Variants in FGFR1 observed in about 807,000 individuals in gnomAD.
The protein encoded by FGFR1 is FGFR1/PLAG1 fusion.
In FGFR1, 18 loss-of-function variants were observed where a neutral mutation model predicts 93.7. That is an observed-to-expected ratio of 0.19 (90% CI 0.13 to 0.28). The LOEUF (loss-of-function observed/expected upper bound fraction) is 0.28. Ranked by LOEUF, FGFR1 falls within the 10% of genes least tolerant of loss-of-function variation. The pLI, the probability that FGFR1 is intolerant of heterozygous loss-of-function variation, is 1.00. For synonymous variants in FGFR1, 448 were observed against 429.3 expected, an observed-to-expected ratio of 1.04 and a Z score of -0.54; for missense variants, 731 against 1,080.4, an observed-to-expected ratio of 0.68 and a Z score of 4.53.
rs751829022 is a variant in FGFR1 at position 38,429,282 on chromosome 8, C to G, written c.358+400G>C. 1.9e-6 allele frequency: 1 copy of G among 522,488 alleles called. No homozygotes were observed. The highest frequency in any genetic ancestry group is 3.8e-6 in the Non-Finnish European group (1 of 265,440). 32.4% of individuals were successfully genotyped at this position (522,488 alleles called of 1,614,324 possible). A position where few individuals can be genotyped will look rare whatever the true frequency, so the allele number is the denominator to read the frequency against. Reference sequence around the variant, plus strand: ...CTCCAGCAGAGCAGGGATACCACCACCTGTTCAGGGCCTCTAATCACTAAG... The same window carrying G: ...CTCCAGCAGAGCAGGGATACCACCAGCTGTTCAGGGCCTCTAATCACTAAG... On this transcript the variant is annotated intron_variant, in intron 3 of 17. Coordinates refer to ENST00000447712, the MANE Select transcript of FGFR1 (RefSeq NM_023110.3). This position sits in a 1 kb window ranked among gnomAD's most constrained non-coding sequence, Gnocchi z 4.4.
chr8:38,418,032 G>A (rs2150661291), intron 10 of FGFR1, 41 bp from the exon 11 acceptor site: 1 of 1,613,830 alleles, frequency 6.2e-7, no homozygotes, highest in Non-Finnish European at 8.5e-7. Context: ...TGGGGCTGGT[G>A]AAGTTCAAAC....
chr8:38,458,633 A>G (rs1833559893), intron 1 of FGFR1, among the ~76,000 whole-genome samples: 1 of 152,230 alleles, frequency 6.6e-6, no homozygotes. Context: ...AGAATCACGG[A>G]ACAAGCTAAG....
At chr8:38,461,496 A>G (rs1046675565) in intron 1 of FGFR1, among the ~76,000 whole-genome samples, 4 of 152,166 alleles carry the variant, frequency 2.6e-5, no homozygotes, top group Non-Finnish European at 5.9e-5. Flanking sequence ...TTTAATAAAA[A>G]TGGGGTCTCA....
chr8:38,452,804 G>A (rs1285832691), intron 2 of FGFR1, among the ~76,000 whole-genome samples: 1 of 152,016 alleles, frequency 6.6e-6, no homozygotes, highest in Admixed American at 6.6e-5. Flanking sequence ...GTGAAACCCC[G>A]TCTCTACTAA....
intron 1 of FGFR1, chr8:38,466,145 C>A (rs1242762291): frequency 4.3e-6 from 1 of 232,070 alleles, no homozygotes; most frequent in Non-Finnish European, 8.5e-6. Flanking sequence ...GGTAAAACAC[C>A]CCACTTTAGT....
At chr8:38,455,915 A>G (rs977392210) in intron 2 of FGFR1, among the ~76,000 whole-genome samples, 1 of 151,654 alleles carries the variant, frequency 6.6e-6, no homozygotes, top group Admixed American at 6.6e-5. Context: ...CCTGACCATA[A>G]ACTCCCTGTG....
In FGFR1 at chr8:38,429,515, A is replaced by G. The variant is rs1822070870; in HGVS notation, c.358+167T>C. On this transcript the variant is annotated intron_variant, in intron 3 of 17. Transcript: ENST00000447712. This position sits in a 1 kb window ranked among gnomAD's most constrained non-coding sequence, Gnocchi z 4.4. Reference sequence around the variant, plus strand: ...CACCCCACCTAGTCACCTCTCTGAGAGCCAAGCCACGCGGCAGGCAGGGAG... The same window carrying G: ...CACCCCACCTAGTCACCTCTCTGAGGGCCAAGCCACGCGGCAGGCAGGGAG... 1.2e-6 allele frequency: 1 copy of G among 838,422 alleles called. No homozygotes were observed. The highest frequency in any genetic ancestry group is 1.9e-6 in the Non-Finnish European group (1 of 519,064). The allele number at this position is 838,422 out of a possible 1,614,324, so 51.9% of individuals were successfully genotyped here.
chr8:38,440,332 T>G (rs1586549664), intron 2 of FGFR1: 1 of 1,603,756 alleles, frequency 6.2e-7, no homozygotes, highest in Non-Finnish European at 8.5e-7. Flanking sequence ...CCGGCCAGAG[T>G]GCAGAAGCAT....
At position 38,441,304 on chromosome 8, in the gene FGFR1, T is replaced by C. The variant is rs191625049; in HGVS notation, c.92-11356A>G. Among the ~76,000 whole-genome samples, 627 of 152,308 alleles carry C rather than the reference T, an allele frequency of 4.1e-3. 1 individual carries two copies. Among genetic ancestry groups the C allele is most frequent in the Non-Finnish European group, 7.5e-3 (513 of 68,026 alleles). ...CTGTACTTTTTTCCCCTAGGGATTT[T>C]GCCACCTTTCTCCAATCAGCACCAG... On this transcript the variant is annotated intron_variant, in intron 2 of 17. Transcript: ENST00000447712.
intron 2 of FGFR1, among the ~76,000 whole-genome samples, chr8:38,447,154 CCT>C: frequency 2.1e-5 from 3 of 144,454 alleles, no homozygotes; most frequent in Non-Finnish European, 4.5e-5. Context: ...CACACACACC[CCT>C]GACAAAGGGA....
intron 2 of FGFR1, among the ~76,000 whole-genome samples, chr8:38,448,975 G>A (rs1337309367): frequency 1.3e-5 from 2 of 152,144 alleles, no homozygotes; most frequent in African/African-American, 4.8e-5. Context: ...GGTGGCTCAT[G>A]CCTGTAATCC....
chr8:38,456,416 G>A (rs1794510554), intron 2 of FGFR1, among the ~76,000 whole-genome samples: 1 of 152,056 alleles, frequency 6.6e-6, no homozygotes, highest in African/African-American at 2.4e-5. Context: ...TTTCCAACAC[G>A]CCATAGGTCT....
intron 1 of FGFR1, among the ~76,000 whole-genome samples, chr8:38,464,312 CAAAAAAAAAAA>C (rs56133772): frequency 2.4e-5 from 2 of 82,398 alleles, no homozygotes; most frequent in African/African-American, 4.6e-5. Context: ...GAGACTATCT[CAAAAAAAAAAA>C]AAAAAAAAAA....
chr8:38,460,629 G>A (rs1834166447), intron 1 of FGFR1, among the ~76,000 whole-genome samples: 1 of 152,100 alleles, frequency 6.6e-6, no homozygotes, highest in African/African-American at 2.4e-5. Flanking sequence ...GGTACAAAAA[G>A]TCTCTTCCTC....
intron 2 of FGFR1, among the ~76,000 whole-genome samples, chr8:38,441,348 T>TA (rs1460560467): frequency 1.3e-5 from 2 of 152,104 alleles, no homozygotes; most frequent in East Asian, 3.9e-4. Flanking sequence ...ACCTCCTCCC[T>TA]ACCTCTCACA....
At position 38,467,996 on chromosome 8, in the gene FGFR1, G is replaced by A. The variant is rs758537375; in HGVS notation, c.-104C>T. ...CGGCTCTTACCTCGCTCGGCGTGGA[G>A]GTTCCGCCTCGGGAGAGTCCGCCGT... On this transcript the variant is annotated 5_prime_UTR_variant, in exon 1 of 18. Coordinates refer to ENST00000447712, the MANE Select transcript of FGFR1 (RefSeq NM_023110.3). 2.7e-5 allele frequency: 6 copies of A among 219,462 alleles called. No individual in the cohort carries two copies. Among genetic ancestry groups the A allele is most frequent in the Non-Finnish European group, 2.7e-5 (3 of 109,408 alleles). The allele number at this position is 219,462 out of a possible 1,614,324, so 13.6% of individuals were successfully genotyped here. A position where few individuals can be genotyped will look rare whatever the true frequency, so the allele number is the denominator to read the frequency against.
At chr8:38,418,206 T>C (rs778300500) in intron 10 of FGFR1, 22 bp downstream of exon 10, 12 of 1,614,158 alleles carry the variant, frequency 7.4e-6, no homozygotes, top group Non-Finnish European at 1.0e-5. Context: ...CTTCAAAAAG[T>C]TGGGAGTCAA....
In FGFR1 at chr8:38,412,397, G is replaced by A. The variant is rs867481311; in HGVS notation, c.*1231C>T. The A allele has an allele frequency of 4.3e-6, 1 of 232,742 alleles. No homozygotes were observed. The highest frequency in any genetic ancestry group is 2.2e-5 in the African/African-American group (1 of 45,288). The allele number at this position is 232,742 out of a possible 1,614,324, so 14.4% of individuals were successfully genotyped here. ...CTACCCCGTGGCTATTCCTAGGTAGGTGCCCCCTCCCCAGCCCAACCCCAC... is the reference window on the plus strand; with the variant it reads ...CTACCCCGTGGCTATTCCTAGGTAGATGCCCCCTCCCCAGCCCAACCCCAC... On this transcript the variant is annotated 3_prime_UTR_variant, in exon 18 of 18. Transcript: ENST00000447712.
Position 38,432,915 on chromosome 8 carries a change from C to G in FGFR1, c.92-2967G>C, listed in dbSNP as rs975206674. 6.4e-5 allele frequency among the ~76,000 whole-genome samples: 9 copies of G among 140,780 alleles called. 2 individuals are homozygous for G. The East Asian group carries it at 6.7e-4, about 10-fold the overall frequency. The allele number at this position is 140,780 out of a possible 152,430, so 92.4% of individuals were successfully genotyped here. A position where few individuals can be genotyped will look rare whatever the true frequency, so the allele number is the denominator to read the frequency against. ...GCTGTCCCTCCCCACCGCGCCCCCC[C>G]CCCTCCCCAGTTGGGATGCTTTCAG... On this transcript the variant is annotated intron_variant, in intron 2 of 17. Coordinates refer to ENST00000447712, the MANE Select transcript of FGFR1 (RefSeq NM_023110.3).
Sources: allele counts gnomAD v4.1 joint callset (sites outside exome capture counted in the v4.1 genomes callset), GRCh38; gene constraint gnomAD v4.1.1; non-coding constraint Gnocchi (gnomAD v3.1); transcripts MANE v1.5; gene names NCBI Gene and HGNC (gene_info 2026-07-23, HGNC 2026-07-21).